The following LRBA variants were observed in gnomAD, a reference collection of about 807,000 sequenced individuals.
LRBA encodes the protein LPS responsive beige-like anchor protein.
In LRBA, 176 loss-of-function variants were observed where a neutral mutation model predicts 330.0. That is an observed-to-expected ratio of 0.53 (90% CI 0.47 to 0.60). The LOEUF is 0.60. Among genes scored for constraint, LRBA ranks in the 20% least tolerant of loss-of-function variants. The pLI is 0.00. For synonymous variants in LRBA, 1,230 were observed against 1,193.0 expected, an observed-to-expected ratio of 1.03 and a Z score of -0.64; for missense variants, 3,259 against 3,444.8, an observed-to-expected ratio of 0.95 and a Z score of 1.35.
intron 13 of LRBA, among the ~76,000 whole-genome samples, chr4:150,902,027 A>G (rs1257381719): frequency 6.6e-6 from 1 of 152,234 alleles, no homozygotes; most frequent in Non-Finnish European, 1.5e-5. Context: ...AAGATTAAAA[A>G]AACACTTATA....
At chr4:150,541,096 T>C (rs1190187950) in intron 40 of LRBA, among the ~76,000 whole-genome samples, 1 of 152,216 alleles carries the variant, frequency 6.6e-6, no homozygotes, top group Non-Finnish European at 1.5e-5. Context: ...AAACGAAAGT[T>C]AGCCAGTTAC....
intron 28 of LRBA, among the ~76,000 whole-genome samples, chr4:150,843,764 T>G (rs751472751): frequency 6.6e-6 from 1 of 152,194 alleles, no homozygotes; most frequent in Non-Finnish European, 1.5e-5. Flanking sequence ...AAGCTTTATG[T>G]GCCTTAGATT....
chr4:150,497,749 G>C (rs1239470469), intron 40 of LRBA, among the ~76,000 whole-genome samples: 1 of 152,160 alleles, frequency 6.6e-6, no homozygotes. Flanking sequence ...CCTGGGTGTG[G>C]ACGATGGGGC....
intron 44 of LRBA, among the ~76,000 whole-genome samples, chr4:150,437,409 C>G (rs956265413): frequency 1.3e-5 from 2 of 149,786 alleles, no homozygotes; most frequent in Non-Finnish European, 3.0e-5. Context: ...TAAAAATATG[C>G]CTATATGTCT....
At chr4:150,313,262 A>G (rs890088088) in intron 51 of LRBA, among the ~76,000 whole-genome samples, 30 of 152,288 alleles carry the variant, frequency 2.0e-4, no homozygotes, top group Non-Finnish European at 3.4e-4. Context: ...TTTTTTAGAA[A>G]CAGAAAATAT....
At chr4:150,386,805 G>T (rs760532801) in intron 47 of LRBA, among the ~76,000 whole-genome samples, 31 of 152,130 alleles carry the variant, frequency 2.0e-4, no homozygotes, top group Non-Finnish European at 2.2e-4. Flanking sequence ...TGGGTCAAAT[G>T]GTGTGTCTGC....
At chr4:150,431,250 C>T (rs987144336) in intron 46 of LRBA, among the ~76,000 whole-genome samples, 2 of 152,166 alleles carry the variant, frequency 1.3e-5, no homozygotes, top group Admixed American at 6.5e-5. Flanking sequence ...TGATAATTCT[C>T]CAACCCAATT....
intron 47 of LRBA, among the ~76,000 whole-genome samples, chr4:150,413,625 AGC>A (rs1747323925): frequency 6.6e-6 from 1 of 152,210 alleles, no homozygotes; most frequent in South Asian, 2.1e-4. Context: ...CGGCAGTGGA[AGC>A]AGAGGCTGAC....
At chr4:150,941,987 C>T (rs1031831237) in intron 2 of LRBA, among the ~76,000 whole-genome samples, 26 of 151,682 alleles carry the variant, frequency 1.7e-4, no homozygotes, top group African/African-American at 5.8e-4. Context: ...ATTATGAGTT[C>T]GATACTATAT....
Position 150,868,243 on chromosome 4 carries a change from C to T in LRBA, c.2512G>A (p.Val838Ile). ...NSPQCPESME[V>I]RRAFLSDMIK... ...ATGTCAGAAAGAAAGGCTCTGCGAACCTCCATGCTCTCTGGGCACTGGGGA... is the reference window on the plus strand; with the variant it reads ...ATGTCAGAAAGAAAGGCTCTGCGAATCTCCATGCTCTCTGGGCACTGGGGA... Residue 838 changes from valine (V) to isoleucine (I), a missense_variant, in exon 21 of 57, where the codon GTT becomes ATT. Physicochemically the swap from Val to Ile is conservative, Grantham distance 29 (BLOSUM62 3). Coordinates refer to ENST00000651943, the MANE Select transcript of LRBA (RefSeq NM_001364905.1). The T allele has an allele frequency of 6.2e-7, 1 of 1,612,398 alleles. No individual in the cohort carries two copies. The highest frequency in any genetic ancestry group is 8.5e-7 in the Non-Finnish European group (1 of 1,178,626).
chr4:150,458,005 A>G (rs1312260597), intron 44 of LRBA, among the ~76,000 whole-genome samples: 1 of 151,992 alleles, frequency 6.6e-6, no homozygotes, highest in Non-Finnish European at 1.5e-5. Flanking sequence ...TCACCCTGAC[A>G]GTAATATTAA....
chr4:150,407,041 C>A (rs1338759649), intron 47 of LRBA, among the ~76,000 whole-genome samples: 1 of 152,148 alleles, frequency 6.6e-6, no homozygotes, highest in African/African-American at 2.4e-5. Context: ...CCTTAGCCTC[C>A]CAAAGTGCTG....
chr4:150,531,347 C>G (rs9942218), intron 40 of LRBA, among the ~76,000 whole-genome samples: 36,078 of 152,098 alleles, frequency 0.24, 4,541 homozygotes, highest in African/African-American at 0.34. Context: ...TCACATTCCT[C>G]CCTCCAGGCC....
At chr4:150,889,955 C>G (rs1178004025) in intron 17 of LRBA, among the ~76,000 whole-genome samples, 1 of 151,298 alleles carries the variant, frequency 6.6e-6, no homozygotes, top group Non-Finnish European at 1.5e-5. Context: ...AAGAGTCAGC[C>G]AAAGAAAGCA....
In LRBA at chr4:150,999,659, T is replaced by C. The variant is rs140672237; in HGVS notation, c.216+14768A>G. Among the ~76,000 whole-genome samples the C allele has an allele frequency of 1.3e-3, 192 of 150,420 alleles. 1 individual carries two copies. The highest frequency in any genetic ancestry group is 8.2e-3 in the Admixed American group (124 of 15,082). ...GCTATTCACATAGGAAGTCCAAATT[T>C]ACACTACTGGCATGAACAACAAACC... On this transcript the variant is annotated intron_variant, in intron 2 of 56. Coordinates refer to ENST00000651943, the MANE Select transcript of LRBA (RefSeq NM_001364905.1).
intron 36 of LRBA, among the ~76,000 whole-genome samples, chr4:150,697,349 A>AAAC (rs1561527701): frequency 1.3e-4 from 20 of 148,402 alleles, no homozygotes; most frequent in African/African-American, 4.8e-4. Context: ...AAAAAAAAAA[A>AAAC]AACAGGGAGA....
intron 12 of LRBA, 82 bp from the exon 13 acceptor site, chr4:150,906,072 C>T (rs767715837): frequency 1.6e-6 from 2 of 1,227,720 alleles, no homozygotes; most frequent in African/African-American, 1.5e-5. Flanking sequence ...AGGAAAAAAA[C>T]TGGCCCACAA....
intron 13 of LRBA, among the ~76,000 whole-genome samples, chr4:150,904,618 A>T (rs1193092870): frequency 6.6e-6 from 1 of 152,178 alleles, no homozygotes; most frequent in African/African-American, 2.4e-5. Context: ...AAATATGCTG[A>T]TTAGTAAGAC....
chr4:150,965,690 C>T (rs564044848), intron 2 of LRBA, among the ~76,000 whole-genome samples: 21 of 151,902 alleles, frequency 1.4e-4, no homozygotes, highest in South Asian at 6.3e-4. Flanking sequence ...TAGGCACATA[C>T]GACCATGCCC....
Sources: allele counts gnomAD v4.1 joint callset (sites outside exome capture counted in the v4.1 genomes callset), GRCh38; gene constraint gnomAD v4.1.1; transcripts MANE v1.5; gene names NCBI Gene and HGNC (gene_info 2026-07-23, HGNC 2026-07-21).